Variants in MMP16 observed in about 807,000 individuals in gnomAD.
MMP16 encodes matrix metalloproteinase-16.
Under a neutral mutation model 67.8 loss-of-function variants are expected in MMP16, and 12 were observed. That is an observed-to-expected ratio of 0.18 (90% CI 0.11 to 0.29). MMP16 has a LOEUF of 0.29. Ranked by LOEUF, MMP16 falls within the 10% of genes least tolerant of loss-of-function variation. The pLI is 1.00. For missense variants in MMP16, 475 were observed against 765.7 expected, an observed-to-expected ratio of 0.62 and a Z score of 4.48; for synonymous variants, 249 against 255.9, an observed-to-expected ratio of 0.97 and a Z score of 0.26.
intron 6 of MMP16, among the ~76,000 whole-genome samples, chr8:88,115,934 A>G (rs1003569417): frequency 6.6e-6 from 1 of 152,158 alleles, no homozygotes; most frequent in Non-Finnish European, 1.5e-5. Context: ...CTTTTAAAAA[A>G]ATAATATAAA....
intron 1 of MMP16, among the ~76,000 whole-genome samples, chr8:88,301,609 T>C (rs1449779390): frequency 6.6e-6 from 1 of 152,222 alleles, no homozygotes; most frequent in Non-Finnish European, 1.5e-5. Flanking sequence ...GTGTATATAG[T>C]TAGAAATGTG....
chr8:88,302,734 G>A (rs541882542), intron 1 of MMP16, among the ~76,000 whole-genome samples: 4 of 152,284 alleles, frequency 2.6e-5, no homozygotes, highest in Admixed American at 2.0e-4. Context: ...CAAGATGGCC[G>A]ATTAAAAGCA....
intron 1 of MMP16, among the ~76,000 whole-genome samples, chr8:88,237,610 C>T (rs894778237): frequency 4.0e-5 from 6 of 151,882 alleles, no homozygotes; most frequent in Non-Finnish European, 7.4e-5. Context: ...GATCGCGCCA[C>T]AGCACTCCAG....
chr8:88,116,826 A>G (rs746700583), intron 5 of MMP16, 108 bp from the exon 6 acceptor site: 33 of 959,198 alleles, frequency 3.4e-5, no homozygotes, highest in Admixed American at 6.7e-5. Flanking sequence ...GACTAACTGA[A>G]CTAAGAGGTC....
chr8:88,157,660 C>G (rs1780295864), intron 4 of MMP16, among the ~76,000 whole-genome samples: 1 of 151,226 alleles, frequency 6.6e-6, no homozygotes, highest in African/African-American at 2.4e-5. Flanking sequence ...CTGGTTTCAT[C>G]TGCTTCATTT....
chr8:88,311,604 C>A (rs1271630674), intron 1 of MMP16, among the ~76,000 whole-genome samples: 1 of 152,004 alleles, frequency 6.6e-6, no homozygotes, highest in Non-Finnish European at 1.5e-5. Flanking sequence ...TATGACATGT[C>A]ATTTTTAATG....
At chr8:88,076,879 T>G (rs1808660132) in intron 6 of MMP16, among the ~76,000 whole-genome samples, 1 of 152,096 alleles carries the variant, frequency 6.6e-6, no homozygotes, top group Admixed American at 6.5e-5. Flanking sequence ...AGCTGAAGAA[T>G]GGGAGGAAAT....
intron 1 of MMP16, among the ~76,000 whole-genome samples, chr8:88,316,813 A>G (rs1811381615): frequency 6.6e-6 from 1 of 152,206 alleles, no homozygotes; most frequent in South Asian, 2.1e-4. Context: ...CAGCAAAGTA[A>G]CTTTAAAACC....
rs1050104519 is a variant in MMP16 at position 88,298,977 on chromosome 8, T to C, written c.132+28098A>G. Among the ~76,000 whole-genome samples the C allele has an allele frequency of 5.3e-4, 81 of 152,194 alleles. 1 individual carries two copies. Among genetic ancestry groups the C allele is most frequent in the African/African-American group, 1.9e-3 (77 of 41,440 alleles). ...CATTTCTAACATTATATTTATAGTTTACAATTTGTTTTGTAAAAATCCATT... is the reference window on the plus strand; with the variant it reads ...CATTTCTAACATTATATTTATAGTTCACAATTTGTTTTGTAAAAATCCATT... On this transcript the variant is annotated intron_variant, in intron 1 of 9. Transcript: ENST00000286614.
intron 1 of MMP16, among the ~76,000 whole-genome samples, chr8:88,279,003 C>CATG (rs1208047490): frequency 1.3e-5 from 2 of 152,182 alleles, no homozygotes; most frequent in East Asian, 3.9e-4. Context: ...GCAGGCGGAT[C>CATG]ATGAGGTCAA....
chr8:88,265,677 C>A (rs966651350), intron 1 of MMP16, among the ~76,000 whole-genome samples: 1 of 152,096 alleles, frequency 6.6e-6, no homozygotes, highest in South Asian at 2.1e-4. Flanking sequence ...CAAAGTCCCA[C>A]GCAAAATCAT....
chr8:88,126,965 T>C (rs1211820981), intron 4 of MMP16, among the ~76,000 whole-genome samples: 1 of 151,886 alleles, frequency 6.6e-6, no homozygotes, highest in African/African-American at 2.4e-5. Context: ...AGTATTCCTG[T>C]AATCAACAAA....
intron 9 of MMP16, 90 bp downstream of exon 9, chr8:88,046,579 T>C: frequency 1.3e-6 from 1 of 765,406 alleles, no homozygotes; most frequent in South Asian, 2.0e-5. Flanking sequence ...AGTATAGCAC[T>C]TTCCAATGGC....
At chr8:88,098,972 A>G (rs1224199260) in intron 6 of MMP16, among the ~76,000 whole-genome samples, 1 of 151,836 alleles carries the variant, frequency 6.6e-6, no homozygotes, top group South Asian at 2.1e-4. Flanking sequence ...CCATAATTAT[A>G]GCAAAATAAA....
At position 88,036,301 on chromosome 8, in the gene MMP16, A is replaced by G. The variant is rs1563513573; in HGVS notation, c.*5160T>C. The G allele has an allele frequency of 6.6e-6, 1 of 151,774 alleles. No individual in the cohort carries two copies. Among genetic ancestry groups the G allele is most frequent in the South Asian group, 2.1e-4 (1 of 4,818 alleles). The allele number at this position is 151,774 out of a possible 1,614,324, so 9.4% of individuals were successfully genotyped here. A position where few individuals can be genotyped will look rare whatever the true frequency, so the allele number is the denominator to read the frequency against. ...GCTTGAAGTTGGATTTTTTTCCTCC[A>G]CTATTTTATGCTTGCTAAAGTAAAA... On this transcript the variant is annotated 3_prime_UTR_variant, in exon 10 of 10. Transcript: ENST00000286614.
chr8:88,308,735 CAT>C (rs1563591496), intron 1 of MMP16, among the ~76,000 whole-genome samples: 2 of 151,828 alleles, frequency 1.3e-5, no homozygotes, highest in Non-Finnish European at 2.9e-5. Flanking sequence ...AGATTTGAAA[CAT>C]AATACAAAAC....
At chr8:88,246,840 C>T (rs918268134) in intron 1 of MMP16, among the ~76,000 whole-genome samples, 2 of 152,008 alleles carry the variant, frequency 1.3e-5, no homozygotes, top group Non-Finnish European at 2.9e-5. Context: ...AGAGATAGTT[C>T]TAAAATAAGA....
At chr8:88,157,925 G>C (rs926973584) in intron 4 of MMP16, among the ~76,000 whole-genome samples, 15 of 150,442 alleles carry the variant, frequency 1.0e-4, no homozygotes, top group Admixed American at 6.7e-5. Context: ...TGCAGTGTTT[G>C]GTTTTTTGTC....
chr8:88,309,459 T>G (rs1811262930), intron 1 of MMP16, among the ~76,000 whole-genome samples: 1 of 151,694 alleles, frequency 6.6e-6, no homozygotes, highest in South Asian at 2.1e-4. Context: ...GGGGGGGAAC[T>G]GTGTGTGTCT....
Sources: gnomAD v4.1 joint callset for allele counts (sites outside exome capture counted in the v4.1 genomes callset) on GRCh38, gnomAD v4.1.1 for gene constraint, MANE v1.5 for transcripts, NCBI Gene and HGNC (gene_info 2026-07-23, HGNC 2026-07-21) for gene names.